SNTB2: variants seen among roughly 807,000 people sequenced by gnomAD.
SNTB2 encodes the protein beta-2-syntrophin.
A neutral mutation model predicts 46.2 loss-of-function variants in SNTB2; 34 were observed. The ratio of observed to expected loss-of-function variants is 0.74; its 90% confidence interval spans 0.56 to 0.98. The LOEUF (loss-of-function observed/expected upper bound fraction) is 0.98. SNTB2 is among the 50% of genes least tolerant of loss of function. SNTB2 has a pLI of 0.00. For synonymous variants in SNTB2, 290 were observed against 312.6 expected (o/e 0.93, Z 0.76); for missense variants, 603 against 731.4 (o/e 0.82, Z 2.02).
chr16:69,189,458 C>A (rs1016692208), intron 1 of SNTB2, among the ~76,000 whole-genome samples: 16 of 152,082 alleles, frequency 1.1e-4, no homozygotes, highest in African/African-American at 1.4e-4. Flanking sequence ...AGAAAAAAAA[C>A]ACAAAAAACC....
intron 2 of SNTB2, among the ~76,000 whole-genome samples, chr16:69,248,988 A>C (rs890626503): frequency 6.6e-6 from 1 of 151,508 alleles, no homozygotes; most frequent in Non-Finnish European, 1.5e-5. Flanking sequence ...GGCTGAGAAA[A>C]GTATAGAGTC....
Position 69,302,202 on chromosome 16 carries a change from G to A in SNTB2, c.*1278G>A, listed in dbSNP as rs1198311821. 9 of 152,172 alleles carry A rather than the reference G, an allele frequency of 5.9e-5. No homozygotes were observed. Among genetic ancestry groups the A allele is most frequent in the Admixed American group, 5.9e-4 (9 of 15,282 alleles). The allele number at this position is 152,172 out of a possible 1,614,324, so 9.4% of individuals were successfully genotyped here. A position where few individuals can be genotyped will look rare whatever the true frequency, so the allele number is the denominator to read the frequency against. On this transcript the variant is annotated 3_prime_UTR_variant, in exon 7 of 7. Coordinates refer to ENST00000336278, the MANE Select transcript of SNTB2 (RefSeq NM_006750.4). ...TACCTGCTTTTGGTTAAGATTGCCA[G>A]ATATCATTAGGACACAGTAGCAGCA...
intron 4 of SNTB2, among the ~76,000 whole-genome samples, chr16:69,283,383 T>C (rs931579457): frequency 2.0e-5 from 3 of 152,228 alleles, no homozygotes; most frequent in Non-Finnish European, 2.9e-5. Context: ...ATAGGCCAAA[T>C]AATTCTAGAG....
At chr16:69,255,300 C>T (rs1392268348) in intron 2 of SNTB2, among the ~76,000 whole-genome samples, 6 of 152,038 alleles carry the variant, frequency 3.9e-5, no homozygotes, top group East Asian at 1.9e-4. Flanking sequence ...CAGTGGCTCA[C>T]GCCTGTAACC....
intron 1 of SNTB2, among the ~76,000 whole-genome samples, chr16:69,221,015 A>G (rs922907445): frequency 6.6e-6 from 1 of 152,158 alleles, no homozygotes; most frequent in Admixed American, 6.6e-5. Flanking sequence ...TGCCTTTTCC[A>G]GATTGTCATA....
intron 1 of SNTB2, chr16:69,191,050 A>G (rs1284834415): frequency 6.6e-6 from 1 of 152,076 alleles, no homozygotes; most frequent in East Asian, 1.9e-4. Flanking sequence ...AATAACATCC[A>G]GGGCTCCATT....
At chr16:69,249,471 C>T (rs1347562487) in intron 2 of SNTB2, among the ~76,000 whole-genome samples, 1 of 152,158 alleles carries the variant, frequency 6.6e-6, no homozygotes, top group African/African-American at 2.4e-5. Flanking sequence ...TATGACTTGG[C>T]TGTATTGCTA....
chr16:69,247,146 A>G (rs1038289342), intron 2 of SNTB2, among the ~76,000 whole-genome samples: 1 of 151,720 alleles, frequency 6.6e-6, no homozygotes, highest in Non-Finnish European at 1.5e-5. Flanking sequence ...TACTGTAGGT[A>G]GTATAGAGTT....
chr16:69,204,301 C>T (rs939469869), intron 1 of SNTB2, among the ~76,000 whole-genome samples: 1 of 152,204 alleles, frequency 6.6e-6, no homozygotes, highest in African/African-American at 2.4e-5. Flanking sequence ...AACAGCACTG[C>T]TGCTCAGCTG....
At chr16:69,208,990 G>GTGTGTGTGTGTGTGTGTGTGTGTGTGTT (rs1488187077) in intron 1 of SNTB2, among the ~76,000 whole-genome samples, 23 of 152,098 alleles carry the variant, frequency 1.5e-4, no homozygotes, top group African/African-American at 5.3e-4. Flanking sequence ...GTGTGTGTGT[G>GTGTGTGTGTGTGTGTGTGTGTGTGTGTT]TTTTTGAGAT....
chr16:69,245,800 C>T lies in SNTB2; in HGVS notation c.779C>T (p.Pro260Leu), dbSNP rs756297162. 6.8e-6 allele frequency: 11 copies of T among 1,613,722 alleles called. No individual in the cohort carries two copies. Among genetic ancestry groups the T allele is most frequent in the South Asian group, 5.5e-5 (5 of 91,032 alleles). The change falls in exon 2 of 7, where the codon CCG (proline) becomes CTG (leucine). Residue 260 changes from proline (P) to leucine (L), a missense_variant. By Grantham distance (98) the Pro-to-Leu change is moderately conservative. Transcript: ENST00000336278. ...TTTGCTGCTAGAAACCTAAGCATGCCGGATCTGGAAAACAGGTGAGGTGTA... is the reference window on the plus strand; with the variant it reads ...TTTGCTGCTAGAAACCTAAGCATGCTGGATCTGGAAAACAGGTGAGGTGTA... ...MCFAARNLSM[P>L]DLENRLIELH...
At chr16:69,189,839 C>T (rs1964033868) in intron 1 of SNTB2, among the ~76,000 whole-genome samples, 1 of 152,228 alleles carries the variant, frequency 6.6e-6, no homozygotes, top group Non-Finnish European at 1.5e-5. Context: ...GTAAATGCTT[C>T]CCAGTCTTTA....
At chr16:69,253,001 G>A (rs573305527) in intron 2 of SNTB2, among the ~76,000 whole-genome samples, 5 of 149,712 alleles carry the variant, frequency 3.3e-5, no homozygotes, top group South Asian at 2.1e-4. Context: ...CCGGGTTCAC[G>A]CCATTCTCCT....
rs1273642312 is a variant in SNTB2 at position 69,305,788 on chromosome 16, T to A, written c.*4864T>A. The A allele has an allele frequency of 1.3e-5, 2 of 151,540 alleles. No individual in the cohort carries two copies. The allele number at this position is 151,540 out of a possible 1,614,324, so 9.4% of individuals were successfully genotyped here. On this transcript the variant is annotated 3_prime_UTR_variant, in exon 7 of 7. Transcript: ENST00000336278. ...TTTTTTTTTTTAACCCCACTGAAGA[T>A]GGAAGTAGAGCAGTCTGCCATCTCC... is the stretch of plus-strand genomic sequence containing the variant.
chr16:69,257,766 C>T (rs965252370), intron 2 of SNTB2, among the ~76,000 whole-genome samples: 4 of 152,142 alleles, frequency 2.6e-5, no homozygotes, highest in African/African-American at 9.7e-5. Flanking sequence ...TTTATGTCTT[C>T]TATTTTCTAG....
At chr16:69,269,665 T>C (rs1416752163) in intron 3 of SNTB2, among the ~76,000 whole-genome samples, 1 of 152,266 alleles carries the variant, frequency 6.6e-6, no homozygotes, top group Non-Finnish European at 1.5e-5. Flanking sequence ...AAAACTTTGA[T>C]GTTTAGATTA....
chr16:69,306,890 TCATGCCATTG>T lies in SNTB2; in HGVS notation c.*5969_*5978del, dbSNP rs1965321100. The stretch of plus-strand genomic sequence containing the variant: ...AGGCAGAAGTTGCAGTGAGCTGAGA[TCATGCCATTG>T]CACTCCAGCCTGGGCAACAGAGCGA... On this transcript the variant is annotated 3_prime_UTR_variant, in exon 7 of 7. Coordinates refer to ENST00000336278, the MANE Select transcript of SNTB2 (RefSeq NM_006750.4). 6.6e-6 allele frequency: 1 copy of T among 152,248 alleles called. No individual in the cohort carries two copies. Among genetic ancestry groups the T allele is most frequent in the South Asian group, 2.1e-4 (1 of 4,840 alleles). 9.4% of individuals were successfully genotyped at this position (152,248 alleles called of 1,614,324 possible). A position where few individuals can be genotyped will look rare whatever the true frequency, so the allele number is the denominator to read the frequency against.
At chr16:69,228,505 CAAAA>C (rs778681180) in intron 1 of SNTB2, among the ~76,000 whole-genome samples, 2 of 50,182 alleles carry the variant, frequency 4.0e-5, no homozygotes, top group Admixed American at 4.2e-4. Flanking sequence ...GACTCTATCT[CAAAA>C]AAAAAAAAAA....
Position 69,187,581 on chromosome 16 carries a change from C to T in SNTB2, c.415C>T (p.Pro139Ser). Reference protein sequence around the residue: ...SIKGGRENRMPILISKIFPGL... With the variant: ...SIKGGRENRMSILISKIFPGL... ...CAAGGGCGGCCGCGAGAACCGGATG[C>T]CGATCCTCATCTCCAAGATCTTCCC... The change falls in exon 1 of 7, where the codon CCG (proline) becomes TCG (serine). Residue 139 changes from proline to serine, a missense_variant. Coordinates refer to ENST00000336278, the MANE Select transcript of SNTB2 (RefSeq NM_006750.4). 1.3e-6 allele frequency: 2 copies of T among 1,534,108 alleles called. No homozygotes were observed. Among genetic ancestry groups the T allele is most frequent in the Non-Finnish European group, 1.7e-6 (2 of 1,144,538 alleles).
Sources: gnomAD v4.1 joint callset for allele counts (sites outside exome capture counted in the v4.1 genomes callset) on GRCh38, gnomAD v4.1.1 for gene constraint, MANE v1.5 for transcripts, NCBI Gene and HGNC (gene_info 2026-07-23, HGNC 2026-07-21) for gene names.